The following NLGN1 variants were observed in gnomAD, a reference collection of about 807,000 sequenced individuals.
NLGN1 encodes neuroligin 1.
A neutral mutation model predicts 65.5 loss-of-function variants in NLGN1; 12 were observed. The observed-to-expected ratio is 0.18, with a 90% CI of 0.12 to 0.30. NLGN1 has a LOEUF of 0.30. Ranked by LOEUF, NLGN1 falls within the 10% of genes least tolerant of loss-of-function variation. The pLI, the probability that NLGN1 is intolerant of heterozygous loss-of-function variation, is 1.00. For synonymous variants in NLGN1, 350 were observed against 359.5 expected (o/e 0.97, Z 0.30); for missense variants, 750 against 1,007.1 (o/e 0.74, Z 3.46).
chr3:173,516,053 T>C (rs1009097155), intron 2 of NLGN1, among the ~76,000 whole-genome samples: 10 of 152,114 alleles, frequency 6.6e-5, no homozygotes, highest in Admixed American at 2.0e-4. Flanking sequence ...CAAATTTATT[T>C]TTTTGACTGC....
intron 4 of NLGN1, among the ~76,000 whole-genome samples, chr3:173,964,050 G>C (rs963349): frequency 0.24 from 36,732 of 152,120 alleles, 4,733 homozygotes; most frequent in East Asian, 0.34. Context: ...AAGTGTAAAA[G>C]CCAGGATGTG....
At chr3:173,680,059 A>C (rs1201813599) in intron 3 of NLGN1, among the ~76,000 whole-genome samples, 1 of 152,148 alleles carries the variant, frequency 6.6e-6, no homozygotes, top group African/African-American at 2.4e-5. Context: ...TGAATGGAGA[A>C]ATATGTTCTG....
intron 3 of NLGN1, among the ~76,000 whole-genome samples, chr3:173,676,503 A>G (rs535075301): frequency 1.3e-5 from 2 of 152,264 alleles, no homozygotes; most frequent in East Asian, 3.9e-4. Context: ...GATAATATAA[A>G]GTTTTTGTTT....
At chr3:173,998,996 C>T (rs1229345320) in intron 4 of NLGN1, among the ~76,000 whole-genome samples, 1 of 152,204 alleles carries the variant, frequency 6.6e-6, no homozygotes, top group East Asian at 1.9e-4. Context: ...TAGTCGCACA[C>T]ACCAACAAAG....
intron 4 of NLGN1, among the ~76,000 whole-genome samples, chr3:173,821,873 C>G (rs1720373984): frequency 6.6e-6 from 1 of 151,982 alleles, no homozygotes; most frequent in African/African-American, 2.4e-5. Context: ...CTTCCTTGTG[C>G]TAGAAAGTAT....
intron 3 of NLGN1, among the ~76,000 whole-genome samples, chr3:173,807,246 T>C (rs969181746): frequency 1.9e-4 from 29 of 152,250 alleles, no homozygotes; most frequent in African/African-American, 7.0e-4. Context: ...ATAAGAAAGG[T>C]TAAACAGATT....
intron 2 of NLGN1, chr3:173,584,595 A>G (rs961188398): frequency 1.3e-5 from 2 of 151,842 alleles, no homozygotes; most frequent in East Asian, 1.9e-4. Flanking sequence ...AGATAAATCT[A>G]TTGGATTAGT....
At chr3:173,782,618 C>T (rs1390070434) in intron 3 of NLGN1, among the ~76,000 whole-genome samples, 6 of 151,428 alleles carry the variant, frequency 4.0e-5, no homozygotes, top group African/African-American at 4.9e-5. Context: ...CTCCATGCCT[C>T]GGGCAGCCCC....
intron 4 of NLGN1, among the ~76,000 whole-genome samples, chr3:173,982,750 G>T (rs957136895): frequency 1.3e-5 from 2 of 152,158 alleles, no homozygotes; most frequent in African/African-American, 4.8e-5. Context: ...AGTGAAGACA[G>T]TGCAGACATG....
intron 2 of NLGN1, among the ~76,000 whole-genome samples, chr3:173,600,893 A>G (rs1750419661): frequency 6.6e-6 from 1 of 151,958 alleles, no homozygotes; most frequent in Non-Finnish European, 1.5e-5. Context: ...CACCCACTGT[A>G]GTTATCTAAT....
At chr3:173,948,112 A>G (rs1425810054) in intron 4 of NLGN1, among the ~76,000 whole-genome samples, 1 of 152,222 alleles carries the variant, frequency 6.6e-6, no homozygotes, top group Non-Finnish European at 1.5e-5. Context: ...AGGTGTAGCT[A>G]TGAACACATA....
At chr3:173,974,020 A>G (rs1716871867) in intron 4 of NLGN1, among the ~76,000 whole-genome samples, 1 of 152,072 alleles carries the variant, frequency 6.6e-6, no homozygotes, top group Admixed American at 6.6e-5. Context: ...GCCAGCTAAC[A>G]GAATTAGATT....
At chr3:174,261,848 A>G (rs1027797415) in intron 4 of NLGN1, among the ~76,000 whole-genome samples, 3 of 148,290 alleles carry the variant, frequency 2.0e-5, no homozygotes, top group Non-Finnish European at 4.5e-5. Flanking sequence ...ATTATTTTGA[A>G]ATACGTCCCA....
At position 173,831,650 on chromosome 3, in the gene NLGN1, T is replaced by C. The variant is rs113502109; in HGVS notation, c.646+23818T>C. On this transcript the variant is annotated intron_variant, in intron 4 of 6. Transcript: ENST00000457714. The stretch of plus-strand genomic sequence containing the variant: ...CATAAACTTCTTTAAAAATTTGTTA[T>C]ATGAAAACAGGAAGATGTTTTTTTC... 2.6e-5 allele frequency among the ~76,000 whole-genome samples: 4 copies of C among 152,358 alleles called. No homozygotes were observed. In the South Asian group the frequency reaches 8.3e-4, roughly 32 times the overall value.
chr3:173,567,977 A>T (rs1490744190), intron 2 of NLGN1, among the ~76,000 whole-genome samples: 1 of 152,178 alleles, frequency 6.6e-6, no homozygotes, highest in Admixed American at 6.5e-5. Context: ...TTATTTGACA[A>T]ATAAAAATGT....
chr3:174,292,160 C>A, the NLGN1 span, among the ~76,000 whole-genome samples: 1 of 151,098 alleles, frequency 6.6e-6, no homozygotes, highest in East Asian at 1.9e-4. Flanking sequence ...CTTATTGTTT[C>A]GATTTTAAAG....
At chr3:173,656,184 A>G (rs1403631661) in intron 3 of NLGN1, among the ~76,000 whole-genome samples, 13 of 152,090 alleles carry the variant, frequency 8.5e-5, no homozygotes, top group Admixed American at 8.5e-4. Flanking sequence ...AGTTTTAGGA[A>G]GTCCTTAGGT....
At chr3:174,244,321 TATG>T (rs1743406832) in intron 4 of NLGN1, among the ~76,000 whole-genome samples, 1 of 152,162 alleles carries the variant, frequency 6.6e-6, no homozygotes, top group South Asian at 2.1e-4. Context: ...AAAGGTCAAA[TATG>T]ATGCACAAAA....
At chr3:173,773,230 A>G (rs1237741691) in intron 3 of NLGN1, among the ~76,000 whole-genome samples, 3 of 152,148 alleles carry the variant, frequency 2.0e-5, no homozygotes, top group African/African-American at 7.2e-5. Flanking sequence ...CTCATACCAG[A>G]CTGGAAGTGA....
Sources: allele counts gnomAD v4.1 joint callset (sites outside exome capture counted in the v4.1 genomes callset), GRCh38; gene constraint gnomAD v4.1.1; transcripts MANE v1.5; gene names NCBI Gene and HGNC (gene_info 2026-07-23, HGNC 2026-07-21).